The following UBE3D variants were observed in gnomAD, a reference collection of about 807,000 sequenced individuals.
The protein encoded by UBE3D is ubiquitin protein ligase E3D.
UBE3D carries 48 observed loss-of-function variants against 49.6 expected under a neutral mutation model. That is an observed-to-expected ratio of 0.97 (90% CI 0.77 to 1.23). UBE3D has a LOEUF of 1.23. UBE3D is among the 50% of genes most tolerant of loss of function. The pLI, the probability that UBE3D is intolerant of heterozygous loss-of-function variation, is 0.00. For missense variants in UBE3D, 452 were observed against 468.4 expected, an observed-to-expected ratio of 0.96 and a Z score of 0.32; for synonymous variants, 189 against 174.2, an observed-to-expected ratio of 1.08 and a Z score of -0.67.
chr6:82,964,376 A>G (rs978675489), intron 8 of UBE3D, among the ~76,000 whole-genome samples: 14 of 152,322 alleles, frequency 9.2e-5, no homozygotes, highest in African/African-American at 3.1e-4. Context: ...TGATATAACA[A>G]CTCTACCAAA....
chr6:83,053,349 C>CTTAG (rs1335207267), intron 3 of UBE3D, among the ~76,000 whole-genome samples: 1 of 152,166 alleles, frequency 6.6e-6, no homozygotes, highest in Non-Finnish European at 1.5e-5. Context: ...ACTTATAAGT[C>CTTAG]TTAGGAACAT....
intron 8 of UBE3D, among the ~76,000 whole-genome samples, chr6:82,985,699 T>C (rs1458526318): frequency 2.6e-5 from 4 of 152,298 alleles, no homozygotes; most frequent in Non-Finnish European, 5.9e-5. Flanking sequence ...CTATTTGAAA[T>C]GGATCCCCGT....
At chr6:82,896,429 A>AC (rs58235329) in intron 9 of UBE3D, among the ~76,000 whole-genome samples, 61,213 of 151,774 alleles carry the variant, frequency 0.4, 16,295 homozygotes, top group African/African-American at 0.75. Context: ...ACAAAAGACA[A>AC]CCTTTCCTCT....
intron 8 of UBE3D, among the ~76,000 whole-genome samples, chr6:82,961,710 CT>C (rs1230149881): frequency 2.6e-5 from 4 of 152,228 alleles, no homozygotes; most frequent in Admixed American, 6.5e-5. Flanking sequence ...GTATTTTGAT[CT>C]TTTTTTAAGA....
chr6:83,002,242 C>A lies in UBE3D; in HGVS notation c.1010+16731G>T, dbSNP rs145280918. On this transcript the variant is annotated intron_variant, in intron 8 of 9. Transcript: ENST00000369747. Reference sequence around the variant, plus strand: ...ATACTGTTCTCCATGAAAACCTGTTCCGTAGATGCTGTGGTTTGAATGTTT... The same window carrying A: ...ATACTGTTCTCCATGAAAACCTGTTACGTAGATGCTGTGGTTTGAATGTTT... 6.7e-3 allele frequency among the ~76,000 whole-genome samples: 1,016 copies of A among 152,274 alleles called. 9 individuals carry two copies. Among genetic ancestry groups the A allele is most frequent in the South Asian group, 0.015 (72 of 4,820 alleles).
At chr6:83,005,948 G>C (rs895773234) in intron 8 of UBE3D, among the ~76,000 whole-genome samples, 1 of 152,082 alleles carries the variant, frequency 6.6e-6, no homozygotes, top group Non-Finnish European at 1.5e-5. Context: ...ATGTTGGCCA[G>C]GCACGGTGGC....
intron 9 of UBE3D, among the ~76,000 whole-genome samples, chr6:82,912,483 A>G (rs973063663): frequency 1.3e-5 from 2 of 152,058 alleles, no homozygotes; most frequent in African/African-American, 4.8e-5. Context: ...CAGAACAGGT[A>G]CAATCATTAC....
At chr6:83,016,903 T>C (rs1780737781) in intron 8 of UBE3D, among the ~76,000 whole-genome samples, 3 of 152,134 alleles carry the variant, frequency 2.0e-5, no homozygotes, top group Non-Finnish European at 4.4e-5. Flanking sequence ...TCTAGTCTTT[T>C]CATGTTTTTC....
intron 9 of UBE3D, among the ~76,000 whole-genome samples, chr6:82,950,647 G>A (rs550066091): frequency 4.6e-5 from 7 of 152,198 alleles, no homozygotes; most frequent in South Asian, 4.2e-4. Flanking sequence ...AGAGATATCC[G>A]CACTCCCATG....
rs1414076285 is a variant in UBE3D, at chr6:83,065,708, G to C, written c.11C>G (p.Ser4Cys). Residue 4 changes from serine (S) to cysteine (C), a missense_variant, in exon 1 of 10, where the codon TCT becomes TGT. Transcript: ENST00000369747. Reference sequence around the variant, plus strand: ...CAGAAACACGCGCGTCTCCGCCGCAGAAGCCGCCATGGCAGGCTTCCAGTC... The same window carrying C: ...CAGAAACACGCGCGTCTCCGCCGCACAAGCCGCCATGGCAGGCTTCCAGTC... MAA[S>C]AAETRVFLEV... 1.9e-6 allele frequency: 3 copies of C among 1,611,242 alleles called. No homozygotes were observed. Among genetic ancestry groups the C allele is most frequent in the Non-Finnish European group, 2.5e-6 (3 of 1,179,024 alleles).
chr6:82,987,495 T>TA (rs1388212673), intron 8 of UBE3D, among the ~76,000 whole-genome samples: 1 of 152,152 alleles, frequency 6.6e-6, no homozygotes, highest in Non-Finnish European at 1.5e-5. Flanking sequence ...ATGTTAAAGA[T>TA]AAAAAATTAA....
chr6:82,957,147 A>G (rs761567442), intron 9 of UBE3D, among the ~76,000 whole-genome samples, 165 bp downstream of exon 9: 9 of 152,148 alleles, frequency 5.9e-5, no homozygotes, highest in African/African-American at 9.7e-5. Context: ...AAACAAACAA[A>G]CAAACAAACA....
At chr6:83,050,823 TAA>T (rs201531149) in intron 3 of UBE3D, among the ~76,000 whole-genome samples, 1 of 152,196 alleles carries the variant, frequency 6.6e-6, no homozygotes, top group African/African-American at 2.4e-5. Context: ...AGTCATTTAC[TAA>T]GGATTTCTCT....
At chr6:82,900,128 C>T (rs895153763) in intron 9 of UBE3D, among the ~76,000 whole-genome samples, 2 of 152,162 alleles carry the variant, frequency 1.3e-5, no homozygotes, top group Admixed American at 6.5e-5. Flanking sequence ...CAGCTTTGGC[C>T]TAGAGTGGTG....
At chr6:82,886,290 A>C in the UBE3D span, among the ~76,000 whole-genome samples, 1 of 152,150 alleles carries the variant, frequency 6.6e-6, no homozygotes, top group Non-Finnish European at 1.5e-5. Context: ...GTTCCACTTC[A>C]GATCACCAGC....
At chr6:83,015,741 T>G (rs1267178209) in intron 8 of UBE3D, among the ~76,000 whole-genome samples, 2 of 152,234 alleles carry the variant, frequency 1.3e-5, no homozygotes. Context: ...CTGAGAAGAA[T>G]CAACATTATC....
At chr6:82,948,070 C>T (rs1029770867) in intron 9 of UBE3D, among the ~76,000 whole-genome samples, 4 of 151,282 alleles carry the variant, frequency 2.6e-5, no homozygotes, top group East Asian at 1.9e-4. Context: ...TATAAAAGAT[C>T]GATGAAACAA....
intron 9 of UBE3D, among the ~76,000 whole-genome samples, chr6:82,940,055 C>G (rs1774897491): frequency 1.3e-5 from 2 of 152,150 alleles, no homozygotes; most frequent in South Asian, 4.1e-4. Context: ...TGGCAGGTAT[C>G]TGGGTAGGGA....
chr6:82,947,675 GACC>G (rs929209477), intron 9 of UBE3D, among the ~76,000 whole-genome samples: 1 of 151,840 alleles, frequency 6.6e-6, no homozygotes, highest in Non-Finnish European at 1.5e-5. Flanking sequence ...CATCTTCTCT[GACC>G]ACAATGGAAT....
Sources: gnomAD v4.1 joint callset for allele counts (sites outside exome capture counted in the v4.1 genomes callset) on GRCh38, gnomAD v4.1.1 for gene constraint, MANE v1.5 for transcripts, NCBI Gene and HGNC (gene_info 2026-07-23, HGNC 2026-07-21) for gene names.